The following PTPRN2 variants were observed in gnomAD, a reference collection of about 807,000 sequenced individuals.
The protein encoded by PTPRN2 is protein tyrosine phosphatase receptor type N2.
A neutral mutation model predicts 118.8 loss-of-function variants in PTPRN2; 74 were observed. That is an observed-to-expected ratio of 0.62 (90% CI 0.52 to 0.76). The LOEUF is 0.76. Among genes scored for constraint, PTPRN2 ranks in the 30% least tolerant of loss-of-function variants. PTPRN2 has a pLI of 0.00. For synonymous variants in PTPRN2, 641 were observed against 608.0 expected, an observed-to-expected ratio of 1.05 and a Z score of -0.80; for missense variants, 1,481 against 1,394.4, an observed-to-expected ratio of 1.06 and a Z score of -0.99.
chr7:158,162,198 A>C (rs1338183729), intron 6 of PTPRN2, among the ~76,000 whole-genome samples: 1 of 152,156 alleles, frequency 6.6e-6, no homozygotes, highest in Non-Finnish European at 1.5e-5. Context: ...TCCAAAACCA[A>C]ACATTCTCTT....
intron 6 of PTPRN2, among the ~76,000 whole-genome samples, chr7:158,160,297 C>T (rs1822243982): frequency 6.6e-6 from 1 of 152,048 alleles, no homozygotes. Context: ...TGTTGGTGGG[C>T]GGGCACTGTC....
At chr7:157,543,336 T>C (rs1798102837) in intron 22 of PTPRN2, among the ~76,000 whole-genome samples, 1 of 152,250 alleles carries the variant, frequency 6.6e-6, no homozygotes, top group Non-Finnish European at 1.5e-5. Flanking sequence ...CCACGGCTTC[T>C]TCCAGTAGAA....
chr7:158,335,639 T>A (rs1422480610), intron 2 of PTPRN2, among the ~76,000 whole-genome samples: 1 of 15,064 alleles, frequency 6.6e-5, no homozygotes, highest in African/African-American at 1.9e-4. Flanking sequence ...CAGACGTCAC[T>A]CACGTACACA....
chr7:157,956,479 A>G (rs1451976801), intron 11 of PTPRN2, among the ~76,000 whole-genome samples: 2 of 152,256 alleles, frequency 1.3e-5, no homozygotes, highest in Non-Finnish European at 2.9e-5. Flanking sequence ...ATCCTCAGAC[A>G]CAAATGAATC....
chr7:158,178,752 C>T (rs1369500093), intron 5 of PTPRN2, among the ~76,000 whole-genome samples: 2 of 151,960 alleles, frequency 1.3e-5, no homozygotes, highest in Admixed American at 6.6e-5. Context: ...CACCCGCCAC[C>T]ACGCCTGGCT....
intron 12 of PTPRN2, among the ~76,000 whole-genome samples, chr7:157,860,451 A>C (rs1003281862): frequency 2.6e-5 from 4 of 152,252 alleles, no homozygotes; most frequent in African/African-American, 9.6e-5. Context: ...GGAGCTTCCC[A>C]AGACTGCAGT....
chr7:158,047,470 TC>T (rs1314422069), intron 11 of PTPRN2, among the ~76,000 whole-genome samples: 2 of 152,180 alleles, frequency 1.3e-5, no homozygotes, highest in African/African-American at 4.8e-5. Flanking sequence ...CTGCCTGCAG[TC>T]ACTGAGCGTG....
At chr7:158,235,155 A>G (rs1829450765) in intron 3 of PTPRN2, among the ~76,000 whole-genome samples, 1 of 152,222 alleles carries the variant, frequency 6.6e-6, no homozygotes, top group African/African-American at 2.4e-5. Flanking sequence ...AATGTAAATT[A>G]GCGCAGCCAC....
Position 158,195,529 on chromosome 7 carries a change from T to A in PTPRN2, c.381-3034A>T, listed in dbSNP as rs181675078. On this transcript the variant is annotated intron_variant, in intron 4 of 22. Coordinates refer to ENST00000389418, the MANE Select transcript of PTPRN2 (RefSeq NM_002847.5). ...CAATTTTCCTCATTATTTCTTCAAA[T>A]GATTTTTCTGTTCCTGTCTCTCCCG... Among the ~76,000 whole-genome samples the A allele has an allele frequency of 3.3e-5, 5 of 152,300 alleles. No homozygotes were observed. The East Asian group carries it at 9.6e-4, about 29-fold the overall frequency.
chr7:157,687,833 AT>A (rs1157078000), intron 12 of PTPRN2, among the ~76,000 whole-genome samples: 1 of 152,254 alleles, frequency 6.6e-6, no homozygotes, highest in Non-Finnish European at 1.5e-5. Context: ...GTCTTAAAAT[AT>A]TTTAAAAGTA....
intron 12 of PTPRN2, among the ~76,000 whole-genome samples, chr7:157,695,454 T>A (rs1797718695): frequency 1.3e-5 from 2 of 152,074 alleles, no homozygotes; most frequent in African/African-American, 4.8e-5. Context: ...TAAAAAGTAT[T>A]TACTATTATA....
chr7:158,215,577 A>G (rs1827899418), intron 3 of PTPRN2, among the ~76,000 whole-genome samples: 1 of 152,226 alleles, frequency 6.6e-6, no homozygotes, highest in Non-Finnish European at 1.5e-5. Context: ...ATAATAATTA[A>G]GTTTCTGAAA....
intron 12 of PTPRN2, among the ~76,000 whole-genome samples, chr7:157,829,370 C>T (rs544664051): frequency 7.9e-5 from 12 of 152,292 alleles, no homozygotes; most frequent in Middle Eastern, 3.4e-3. Flanking sequence ...TTAAAAAAGA[C>T]GAACATCAAA....
intron 1 of PTPRN2, among the ~76,000 whole-genome samples, chr7:158,512,002 G>A (rs917389961): frequency 6.6e-6 from 1 of 152,130 alleles, no homozygotes; most frequent in South Asian, 2.1e-4. Flanking sequence ...AAAGCCCACT[G>A]AACTTCACAG....
At chr7:157,659,716 AC>A (rs922981590) in intron 13 of PTPRN2, among the ~76,000 whole-genome samples, 55 of 151,954 alleles carry the variant, frequency 3.6e-4, no homozygotes, top group African/African-American at 9.4e-4. Context: ...AACAAAAAAA[AC>A]CCCACAAAGG....
chr7:158,240,151 C>A (rs1463725568), intron 3 of PTPRN2, among the ~76,000 whole-genome samples: 1 of 151,982 alleles, frequency 6.6e-6, no homozygotes, highest in Non-Finnish European at 1.5e-5. Context: ...CTTAGGATGG[C>A]CATTTTTATC....
intron 3 of PTPRN2, among the ~76,000 whole-genome samples, chr7:158,248,626 G>A (rs112537358): frequency 0.018 from 2,637 of 144,590 alleles, 28 homozygotes; most frequent in Middle Eastern, 0.039. Flanking sequence ...ACATACACAC[G>A]CACACACACC....
chr7:157,810,992 C>T (rs1015379088), intron 12 of PTPRN2, among the ~76,000 whole-genome samples: 11 of 152,096 alleles, frequency 7.2e-5, no homozygotes, highest in East Asian at 1.9e-4. Context: ...ATTTTTGGGG[C>T]GGGGCGCTGT....
chr7:158,278,368 C>T (rs1422563851), intron 3 of PTPRN2, among the ~76,000 whole-genome samples: 1 of 151,138 alleles, frequency 6.6e-6, no homozygotes, highest in Admixed American at 6.6e-5. Flanking sequence ...AAAAATTCAG[C>T]TGGACGTGAA....
Sources: allele counts gnomAD v4.1 joint callset (sites outside exome capture counted in the v4.1 genomes callset), GRCh38; gene constraint gnomAD v4.1.1; transcripts MANE v1.5; gene names NCBI Gene and HGNC (gene_info 2026-07-23, HGNC 2026-07-21).